Variants in SPPL2A observed in about 807,000 individuals in gnomAD.
The protein encoded by SPPL2A is signal peptide peptidase-like 2A.
A neutral mutation model predicts 63.8 loss-of-function variants in SPPL2A; 51 were observed. That is an observed-to-expected ratio of 0.80 (90% CI 0.64 to 1.01). The LOEUF is 1.01. SPPL2A is among the 50% of genes least tolerant of loss of function. SPPL2A has a pLI of 0.00. For synonymous variants in SPPL2A, 188 were observed against 205.8 expected, an observed-to-expected ratio of 0.91 and a Z score of 0.74; for missense variants, 553 against 622.7, an observed-to-expected ratio of 0.89 and a Z score of 1.19.
chr15:50,703,974 A>G lies in SPPL2A; in HGVS notation c.*3826T>C, dbSNP rs2062493487. The G allele has an allele frequency of 1.3e-5, 2 of 152,286 alleles. No homozygotes were observed. The highest frequency in any genetic ancestry group is 2.9e-5 in the Non-Finnish European group (2 of 68,026). 9.4% of individuals were successfully genotyped at this position (152,286 alleles called of 1,614,324 possible). A position where few individuals can be genotyped will look rare whatever the true frequency, so the allele number is the denominator to read the frequency against. On this transcript the variant is annotated 3_prime_UTR_variant, in exon 15 of 15. Transcript: ENST00000261854. The stretch of plus-strand genomic sequence containing the variant: ...GGACAAGTAAAATATAAGAATGCCA[A>G]TAGCAGATGGGTTAAAATTCTCTTT...
In SPPL2A at chr15:50,753,262, G is replaced by A. The variant is rs189338262; in HGVS notation, c.67-3516C>T. ...ACAATGTATCTGTGCATTTATATGAGCTTGAGGAAAAATGTGGAGAGATAC... is the reference window on the plus strand; with the variant it reads ...ACAATGTATCTGTGCATTTATATGAACTTGAGGAAAAATGTGGAGAGATAC... On this transcript the variant is annotated intron_variant, in intron 1 of 14. Coordinates refer to ENST00000261854, the MANE Select transcript of SPPL2A (RefSeq NM_032802.4). Among the ~76,000 whole-genome samples, 95 of 152,240 alleles carry A rather than the reference G, an allele frequency of 6.2e-4. No individual in the cohort carries two copies. In the East Asian group the frequency reaches 0.014, roughly 23 times the overall value.
chr15:50,744,344 T>C (rs1596392158), intron 5 of SPPL2A, among the ~76,000 whole-genome samples: 1 of 152,358 alleles, frequency 6.6e-6, no homozygotes, highest in Middle Eastern at 3.4e-3. Context: ...CATTTCCCTC[T>C]TGATGTAAGT....
At chr15:50,736,536 AG>A (rs1252565336) in intron 7 of SPPL2A, 107 bp downstream of exon 7, 1 of 600,688 alleles carries the variant, frequency 1.7e-6, no homozygotes, top group Non-Finnish European at 2.9e-6. Flanking sequence ...AAACACCTGT[AG>A]GTCCAATGTA....
chr15:50,748,856 C>G lies in SPPL2A; in HGVS notation c.192G>C (p.Leu64Phe). 1.3e-6 allele frequency: 2 copies of G among 1,576,662 alleles called. No homozygotes were observed. Among genetic ancestry groups the G allele is most frequent in the Non-Finnish European group, 1.7e-6 (2 of 1,165,206 alleles). The change falls in exon 3 of 15, where the codon TTG becomes TTC. Residue 64 changes from leucine (L) to phenylalanine (F), a missense_variant. Transcript: ENST00000261854. ...STLENATSIS[L>F]MNLTSTPLCN... ...ATAGTGGTGTGGAAGTCAGATTCAT[C>G]AAACTAATGGAAGTCTGAAAATAAG...
At chr15:50,758,371 C>T (rs1056052771) in intron 1 of SPPL2A, among the ~76,000 whole-genome samples, 1 of 151,116 alleles carries the variant, frequency 6.6e-6, no homozygotes, top group Admixed American at 6.6e-5. Context: ...CTCACTCTGT[C>T]GCCCAGGCTA....
intron 14 of SPPL2A, among the ~76,000 whole-genome samples, chr15:50,709,359 C>T (rs2062538911): frequency 1.3e-5 from 2 of 152,082 alleles, no homozygotes; most frequent in Admixed American, 6.6e-5. Flanking sequence ...GTTCTGAAGG[C>T]TTTAGTGTTT....
At chr15:50,730,103 T>C (rs1324118980) in intron 10 of SPPL2A, among the ~76,000 whole-genome samples, 2 of 151,702 alleles carry the variant, frequency 1.3e-5, no homozygotes, top group East Asian at 1.9e-4. Context: ...AGACTCAAAA[T>C]GGGAGAAAGT....
rs778256258 is a variant in SPPL2A, at chr15:50,726,346, G to A, written c.1121C>T (p.Ala374Val). ...CTTTTCATTATTTCCAAAAGGTCCAGCTGCGAGTTCAACCATGATACTCTC... is the reference window on the plus strand; with the variant it reads ...CTTTTCATTATTTCCAAAAGGTCCAACTGCGAGTTCAACCATGATACTCTC... ...NGESIMVELAAGPFGNNEKLP... is the reference protein window; with the variant it reads ...NGESIMVELAVGPFGNNEKLP... Residue 374 changes from alanine to valine, a missense_variant, in exon 11 of 15, where the codon GCT becomes GTT. By Grantham distance (64) the Ala-to-Val change is moderately conservative. Transcript: ENST00000261854. 1.2e-6 allele frequency: 2 copies of A among 1,614,064 alleles called. No homozygotes were observed. Among genetic ancestry groups the A allele is most frequent in the Non-Finnish European group, 1.7e-6 (2 of 1,179,952 alleles).
chr15:50,723,191 C>A (rs2062661511), intron 12 of SPPL2A, among the ~76,000 whole-genome samples: 1 of 152,016 alleles, frequency 6.6e-6, no homozygotes, highest in South Asian at 2.1e-4. Context: ...AAAAGGGAAC[C>A]CTGTACATTG....
At chr15:50,724,074 G>T (rs1252153378) in intron 12 of SPPL2A, among the ~76,000 whole-genome samples, 3 of 152,180 alleles carry the variant, frequency 2.0e-5, no homozygotes, top group African/African-American at 7.2e-5. Context: ...GATATTCAAA[G>T]AAGTGTAAGG....
At chr15:50,762,931 G>C (rs1401901634) in intron 1 of SPPL2A, among the ~76,000 whole-genome samples, 1 of 147,864 alleles carries the variant, frequency 6.8e-6, no homozygotes, top group Non-Finnish European at 1.5e-5. Context: ...TTTTAGTAGA[G>C]ACGGGGTTTC....
chr15:50,739,656 C>A, intron 6 of SPPL2A, 24 bp downstream of exon 6: 1 of 1,496,798 alleles, frequency 6.7e-7, no homozygotes, highest in Non-Finnish European at 9.0e-7. Context: ...TTAACAGTAG[C>A]AAACATAAAA....
At chr15:50,737,374 C>A (rs1481024717) in intron 6 of SPPL2A, among the ~76,000 whole-genome samples, 1 of 152,162 alleles carries the variant, frequency 6.6e-6, no homozygotes, top group Non-Finnish European at 1.5e-5. Context: ...AATAAAATCA[C>A]CTGTTTGATG....
chr15:50,712,679 C>CGCT (rs35199045), intron 14 of SPPL2A, among the ~76,000 whole-genome samples: 2 of 102,938 alleles, frequency 1.9e-5, no homozygotes, highest in African/African-American at 8.4e-5. Flanking sequence ...CTCCCCCCCC[C>CGCT]TTTTTTTTTT....
Position 50,748,134 on chromosome 15 carries a change from T to C in SPPL2A, c.429A>G (p.Lys143=). 1 of 1,478,884 alleles carries C rather than the reference T, an allele frequency of 6.8e-7. No individual in the cohort carries two copies. The highest frequency in any genetic ancestry group is 9.1e-7 in the Non-Finnish European group (1 of 1,099,072). The allele number at this position is 1,478,884 out of a possible 1,614,324, so 91.6% of individuals were successfully genotyped here. ...TTACCTGGTTCATATCTCTAAAGTC[T>C]TTGTAGCTTATAAATGCAATCAGTA... ...VKILIAFISY[K]DFRDMNQTLG... is the part of the protein sequence containing the mutation. Residue 143 remains lysine (K), a synonymous_variant, in exon 4 of 15, where the codon AAA becomes AAG. Transcript: ENST00000261854.
In SPPL2A at chr15:50,707,876, T is replaced by A; in HGVS notation, c.1489-2A>T. On this transcript the variant is annotated splice_acceptor_variant, in intron 14 of 14. Coordinates refer to ENST00000261854, the MANE Select transcript of SPPL2A (RefSeq NM_032802.4). LOFTEE classifies it high-confidence loss of function. ...TGCACAATCCAAATGGTCCATCATC[T>A]AGGCATAAATAAAAGACGTTAGGAA... The A allele has an allele frequency of 6.4e-7, 1 of 1,557,368 alleles. No homozygotes were observed. The highest frequency in any genetic ancestry group is 8.9e-7 in the Non-Finnish European group (1 of 1,128,692).
chr15:50,730,557 G>C (rs942209142), intron 10 of SPPL2A, among the ~76,000 whole-genome samples: 3 of 152,056 alleles, frequency 2.0e-5, no homozygotes, highest in Non-Finnish European at 2.9e-5. Context: ...AGCAGAAAGG[G>C]CTAAGTAACT....
chr15:50,756,554 C>T lies in SPPL2A; in HGVS notation c.67-6808G>A, dbSNP rs145430240. Among the ~76,000 whole-genome samples, 719 of 151,862 alleles carry T rather than the reference C, an allele frequency of 4.7e-3. 4 individuals are homozygous for T. Among genetic ancestry groups the T allele is most frequent in the Non-Finnish European group, 8.4e-3 (571 of 67,944 alleles). ...CTGGTCTTCTATGGCTTCATTAAAA[C>T]CTTAAAAAAAATTCTTTTAGTAAAA... On this transcript the variant is annotated intron_variant, in intron 1 of 14. Coordinates refer to ENST00000261854, the MANE Select transcript of SPPL2A (RefSeq NM_032802.4).
chr15:50,732,684 C>A lies in SPPL2A; in HGVS notation c.933G>T (p.Arg311Ser). ...AGATATCCTGTAAAATCCAAGCCCA[C>A]CTAAAATCAAAAAATATTACTCTAT... Reference protein sequence around the residue: ...VVWAVFRNEDRWAWILQDILG... With the variant: ...VVWAVFRNEDSWAWILQDILG... The change falls in exon 9 of 15, where the codon AGG becomes AGT. Residue 311 changes from arginine (R) to serine (S), a missense_variant and splice_region_variant. Coordinates refer to ENST00000261854, the MANE Select transcript of SPPL2A (RefSeq NM_032802.4). 6.3e-7 allele frequency: 1 copy of A among 1,595,910 alleles called. No individual in the cohort carries two copies. Among genetic ancestry groups the A allele is most frequent in the South Asian group, 1.1e-5 (1 of 89,820 alleles).
Sources: gnomAD v4.1 joint callset for allele counts (sites outside exome capture counted in the v4.1 genomes callset) on GRCh38, gnomAD v4.1.1 for gene constraint, MANE v1.5 for transcripts, NCBI Gene and HGNC (gene_info 2026-07-23, HGNC 2026-07-21) for gene names.